FAS: variants seen among roughly 807,000 people sequenced by gnomAD.
FAS encodes the protein tumor necrosis factor receptor superfamily member 6.
In FAS, 5 loss-of-function variants were observed where a neutral mutation model predicts 33.2. That is an observed-to-expected ratio of 0.15 (90% CI 0.08 to 0.32). The LOEUF is 0.32. FAS is among the 10% of genes least tolerant of loss of function. The probability of loss-of-function intolerance (pLI) is 1.00; values close to 1 mark genes in which losing one functional copy is unlikely to be tolerated. For synonymous variants in FAS, 131 were observed against 130.7 expected, an observed-to-expected ratio of 1.00 and a Z score of -0.01; for missense variants, 339 against 386.0, an observed-to-expected ratio of 0.88 and a Z score of 1.02.
At position 89,015,004 on chromosome 10, in the gene FAS, C is replaced by G; in HGVS notation, c.*554C>G. On this transcript the variant is annotated 3_prime_UTR_variant, in exon 9 of 9. Transcript: ENST00000652046. ...TTGAGTGCAGAATTTAAATAAGGCT[C>G]TACCTCAAAGACCTTTGCACAGTTT... 3 of 533,000 alleles carry G rather than the reference C, an allele frequency of 5.6e-6. No individual in the cohort carries two copies. The highest frequency in any genetic ancestry group is 1.1e-5 in the Non-Finnish European group (3 of 275,512). The allele number at this position is 533,000 out of a possible 1,614,324, so 33.0% of individuals were successfully genotyped here. A position where few individuals can be genotyped will look rare whatever the true frequency, so the allele number is the denominator to read the frequency against.
upstream of FAS, among the ~76,000 whole-genome samples, chr10:88,987,321 G>T (rs1846930765): frequency 6.6e-6 from 1 of 152,206 alleles, no homozygotes; most frequent in African/African-American, 2.4e-5. Context: ...TAATTTATCA[G>T]TTAAGATTTT....
intron 2 of FAS, 94 bp from the exon 3 acceptor site, chr10:89,007,606 A>C: frequency 7.3e-7 from 1 of 1,374,192 alleles, no homozygotes; most frequent in Non-Finnish European, 9.9e-7. Flanking sequence ...CTTGTGTTTT[A>C]GAAGAGTTTT....
upstream of FAS, among the ~76,000 whole-genome samples, chr10:88,981,858 C>A (rs7082101): frequency 0.55 from 83,583 of 152,068 alleles, 24,513 homozygotes; most frequent in African/African-American, 0.77. Flanking sequence ...AAAAGACAGG[C>A]ATTATCATGA....
At chr10:88,991,569 T>C (rs1847220915) in intron 1 of FAS, 1 of 155,112 alleles carries the variant, frequency 6.4e-6, no homozygotes, top group African/African-American at 2.4e-5. Flanking sequence ...CGTTTTTTAT[T>C]GTCACACAGA....
chr10:88,992,231 T>C (rs1218595625), intron 1 of FAS: 2 of 152,190 alleles, frequency 1.3e-5, no homozygotes, highest in Non-Finnish European at 2.9e-5. Context: ...AAAATCCTGT[T>C]CCTTTCAGAA....
intron 1 of FAS, among the ~76,000 whole-genome samples, chr10:88,967,404 A>AT (rs757992865): frequency 2.6e-5 from 4 of 152,156 alleles, no homozygotes; most frequent in South Asian, 2.1e-4. Context: ...CAGTTTTTTC[A>AT]TCTATAAAAT....
At chr10:89,012,134 A>C in intron 7 of FAS, 53 bp downstream of exon 7, 1 of 1,474,972 alleles carries the variant, frequency 6.8e-7, no homozygotes, top group Non-Finnish European at 9.5e-7. Flanking sequence ...TAGAGAAATT[A>C]GTGATTTGGC....
At chr10:88,964,661 C>T (rs935605548) in intron 1 of FAS, among the ~76,000 whole-genome samples, 2 of 152,068 alleles carry the variant, frequency 1.3e-5, no homozygotes, top group East Asian at 3.9e-4. Context: ...TTTGTATCTA[C>T]TTCTCGATTG....
upstream of FAS, among the ~76,000 whole-genome samples, chr10:88,988,926 C>A (rs1477971108): frequency 6.6e-6 from 1 of 152,144 alleles, no homozygotes; most frequent in Non-Finnish European, 1.5e-5. Context: ...TGTCTCCCCA[C>A]AAAGCACATA....
At chr10:89,007,917 G>A in intron 3 of FAS, 80 bp downstream of exon 3, 1 of 1,596,346 alleles carries the variant, frequency 6.3e-7, no homozygotes, top group Non-Finnish European at 8.5e-7. Context: ...TTTGAAATTG[G>A]GGCCTACTGT....
At chr10:88,990,593 A>AG, upstream of FAS, 3 of 673,358 alleles carry the variant, frequency 4.5e-6, no homozygotes, top group Non-Finnish European at 8.2e-6. The surrounding 1 kb of genome is among the most constrained non-coding windows in gnomAD (Gnocchi z 4.9). Context: ...GGCGTTCCCC[A>AG]GCGAGGCTTC....
In FAS at chr10:89,010,834, C is replaced by T. The variant is rs1376868022; in HGVS notation, c.568+19C>T. The T allele has an allele frequency of 6.2e-6, 10 of 1,613,608 alleles. No individual in the cohort carries two copies. Among genetic ancestry groups the T allele is most frequent in the Non-Finnish European group, 8.5e-6 (10 of 1,179,754 alleles). On this transcript the variant is annotated intron_variant, in intron 6 of 8. Coordinates refer to ENST00000652046, the MANE Select transcript of FAS (RefSeq NM_000043.6). ...GTTTGGGGTAAGTTCTTGCTTTGTTCAAACTGCAGATTGAAATAACTTGGG... is the reference window on the plus strand; with the variant it reads ...GTTTGGGGTAAGTTCTTGCTTTGTTTAAACTGCAGATTGAAATAACTTGGG...
chr10:88,980,025 G>A (rs117900829), intron 2 of FAS, among the ~76,000 whole-genome samples: 2,362 of 152,354 alleles, frequency 0.016, 31 homozygotes, highest in Non-Finnish European at 0.026. Flanking sequence ...AGTTTCAGAA[G>A]ATGGCCAGCT....
intron 1 of FAS, among the ~76,000 whole-genome samples, chr10:89,001,189 C>A (rs554437400): frequency 6.6e-6 from 1 of 151,948 alleles, no homozygotes; most frequent in Admixed American, 6.5e-5. Flanking sequence ...ATTGAGAATT[C>A]TCACTGACTG....
chr10:88,999,234 T>A (rs1297371021), intron 1 of FAS, among the ~76,000 whole-genome samples: 1 of 152,154 alleles, frequency 6.6e-6, no homozygotes, highest in Non-Finnish European at 1.5e-5. Context: ...CAAGTACCCC[T>A]CTGCCTTCTG....
At chr10:88,998,374 A>C (rs1847727583) in intron 1 of FAS, among the ~76,000 whole-genome samples, 1 of 151,814 alleles carries the variant, frequency 6.6e-6, no homozygotes, top group African/African-American at 2.4e-5. Flanking sequence ...CAAAACAAAA[A>C]CAGTGAAGCC....
intron 1 of FAS, among the ~76,000 whole-genome samples, chr10:88,971,814 T>A (rs1034796724): frequency 6.6e-6 from 1 of 152,192 alleles, no homozygotes; most frequent in Non-Finnish European, 1.5e-5. Context: ...CAGAGGGTGA[T>A]GCTCTGATGG....
chr10:88,982,865 T>C (rs1471768221), upstream of FAS, among the ~76,000 whole-genome samples: 1 of 152,176 alleles, frequency 6.6e-6, no homozygotes, highest in African/African-American at 2.4e-5. Flanking sequence ...AATAATAATA[T>C]AACTGGCCAA....
chr10:89,010,681 A>G, intron 5 of FAS, 72 bp from the exon 6 acceptor site: 20 of 1,603,730 alleles, frequency 1.2e-5, no homozygotes, highest in Non-Finnish European at 1.7e-5. Context: ...ACTCTTGATT[A>G]CTAGAAAGTC....
Sources: allele counts gnomAD v4.1 joint callset (sites outside exome capture counted in the v4.1 genomes callset), GRCh38; gene constraint gnomAD v4.1.1; non-coding constraint Gnocchi (gnomAD v3.1); transcripts MANE v1.5; gene names NCBI Gene and HGNC (gene_info 2026-07-23, HGNC 2026-07-21).